DNAAF10: variants seen among roughly 807,000 people sequenced by gnomAD.
DNAAF10 encodes dynein axonemal assembly factor 10, also known as WD repeat domain 92.
In DNAAF10, 28 loss-of-function variants were observed where a neutral mutation model predicts 43.7. That is an observed-to-expected ratio of 0.64 (90% confidence interval 0.48 to 0.88). The LOEUF (loss-of-function observed/expected upper bound fraction) is 0.88. DNAAF10 is among the 40% of genes least tolerant of loss of function. The probability of loss-of-function intolerance (pLI) is 0.00; values close to 1 mark genes in which losing one functional copy is unlikely to be tolerated. For synonymous variants in DNAAF10, 156 were observed against 157.3 expected (o/e 0.99, Z 0.06); for missense variants, 403 against 439.1 (o/e 0.92, Z 0.73).
chr2:68,151,893 C>A (rs1265650089), intron 1 of DNAAF10, among the ~76,000 whole-genome samples: 7 of 152,216 alleles, frequency 4.6e-5, no homozygotes, highest in African/African-American at 1.7e-4. Context: ...CAGAACACCA[C>A]TTTCAAGATG....
In DNAAF10 at chr2:68,131,428, C is replaced by G; in HGVS notation, c.884G>C (p.Arg295Pro). Residue 295 changes from arginine to proline, a missense_variant, in exon 8 of 8, where the codon CGG becomes CCG. Coordinates refer to ENST00000295121, the MANE Select transcript of DNAAF10 (RefSeq NM_138458.4). ...HLWKYEYPIQ[R>P]SKKDSEGIEM... ...TATTCCCTCAGAATCTTTCTTTGAC[C>G]GCTGAATAGGGTATTCACTGAAAAC... 1 of 1,614,084 alleles carries G rather than the reference C, an allele frequency of 6.2e-7. No homozygotes were observed. Among genetic ancestry groups the G allele is most frequent in the Non-Finnish European group, 8.5e-7 (1 of 1,179,988 alleles).
intron 5 of DNAAF10, among the ~76,000 whole-genome samples, chr2:68,138,509 G>A (rs920196060): frequency 3.9e-5 from 6 of 152,172 alleles, no homozygotes; most frequent in African/African-American, 1.2e-4. Flanking sequence ...GGCTGAAGGG[G>A]CTGGTGACTC....
At chr2:68,149,140 AT>A (rs1673394361) in intron 1 of DNAAF10, among the ~76,000 whole-genome samples, 4 of 152,238 alleles carry the variant, frequency 2.6e-5, no homozygotes, top group African/African-American at 9.6e-5. Flanking sequence ...TATAGGGTAT[AT>A]TATCCATATA....
chr2:68,145,742 G>A (rs1486949222), intron 2 of DNAAF10, among the ~76,000 whole-genome samples: 2 of 152,146 alleles, frequency 1.3e-5, no homozygotes, highest in Non-Finnish European at 2.9e-5. Context: ...TACCACAACT[G>A]CACTACTGGG....
At chr2:68,150,487 C>G (rs890324672) in intron 1 of DNAAF10, among the ~76,000 whole-genome samples, 1 of 152,154 alleles carries the variant, frequency 6.6e-6, no homozygotes, top group Non-Finnish European at 1.5e-5. Flanking sequence ...AATATCAGCA[C>G]TTTGGGAGGC....
intron 5 of DNAAF10, 40 bp from the exon 6 acceptor site, chr2:68,137,473 T>G (rs775573950): frequency 5.1e-6 from 8 of 1,573,296 alleles, no homozygotes; most frequent in Admixed American, 3.7e-5. Flanking sequence ...GTCTCACCAG[T>G]ATTACTCAGG....
rs756931578 is a variant in DNAAF10 at position 68,157,315 on chromosome 2, G to T, written c.129C>A (p.Thr43=). 6.2e-7 allele frequency: 1 copy of T among 1,614,128 alleles called. No individual in the cohort carries two copies. The highest frequency in any genetic ancestry group is 1.7e-5 in the Admixed American group (1 of 60,020). The change falls in exon 1 of 8, where the codon ACC becomes ACA. Residue 43 remains threonine, a synonymous_variant. Transcript: ENST00000295121. ...FVTMGNFARG[T]GVIQLYEIQH... is the part of the protein sequence containing the mutation. ...GGATCTCGTACAGCTGAATGACGCC[G>T]GTGCCCCGTGCGAAGTTGCCCATGG...
At chr2:68,136,054 A>G (rs923454287) in intron 6 of DNAAF10, among the ~76,000 whole-genome samples, 4 of 151,470 alleles carry the variant, frequency 2.6e-5, no homozygotes, top group African/African-American at 9.7e-5. Flanking sequence ...ACTCTATGAA[A>G]AAAAAAAAAT....
chr2:68,149,503 T>C (rs900695771), intron 1 of DNAAF10, among the ~76,000 whole-genome samples: 2 of 152,234 alleles, frequency 1.3e-5, no homozygotes, highest in Non-Finnish European at 2.9e-5. Context: ...AGAAAATTAA[T>C]ATTCATTTAT....
intron 1 of DNAAF10, chr2:68,156,983 T>C (rs1366617792): frequency 5.9e-6 from 3 of 512,246 alleles, no homozygotes; most frequent in African/African-American, 3.8e-5. Flanking sequence ...ATGTGTTAGG[T>C]TGCCTCTTCC....
At chr2:68,157,119 T>C in intron 1 of DNAAF10, 142 bp downstream of exon 1, 1 of 1,138,286 alleles carries the variant, frequency 8.8e-7, no homozygotes, top group Non-Finnish European at 1.2e-6. Flanking sequence ...CATTCCTCAG[T>C]CGGCGGTCAG....
chr2:68,146,427 A>T (rs1673317689), intron 2 of DNAAF10, among the ~76,000 whole-genome samples: 1 of 152,200 alleles, frequency 6.6e-6, no homozygotes, highest in Non-Finnish European at 1.5e-5. Flanking sequence ...AAATTATAAG[A>T]TTTATCAATG....
chr2:68,154,106 T>C (rs1673526863), intron 1 of DNAAF10, among the ~76,000 whole-genome samples: 1 of 152,086 alleles, frequency 6.6e-6, no homozygotes, highest in Non-Finnish European at 1.5e-5. Context: ...TTTTGGACAG[T>C]AGGCTCTTTA....
At chr2:68,152,126 T>G (rs1673473169) in intron 1 of DNAAF10, among the ~76,000 whole-genome samples, 1 of 152,240 alleles carries the variant, frequency 6.6e-6, no homozygotes, top group Admixed American at 6.5e-5. Flanking sequence ...ACGGCATGAA[T>G]TAAACCTACT....
intron 1 of DNAAF10, among the ~76,000 whole-genome samples, chr2:68,151,464 C>T (rs111938588): frequency 6.6e-6 from 1 of 152,186 alleles, no homozygotes; most frequent in Non-Finnish European, 1.5e-5. Context: ...ATTACTGTCA[C>T]TCACCCTGTT....
chr2:68,147,553 T>C lies in DNAAF10; in HGVS notation c.198A>G (p.Lys66=). The part of the protein sequence containing the change: ...LKLLREIEKA[K]PIKCGTFGAT... The stretch of plus-strand genomic sequence containing the variant: ...CACCAAATGTTCCACATTTAATAGG[T>C]TTGGCCTTTTCAATCTTCATAGAAG... The change falls in exon 2 of 8, where the codon AAA becomes AAG. Residue 66 remains lysine, a synonymous_variant. Transcript: ENST00000295121. The C allele has an allele frequency of 1.9e-6, 3 of 1,610,028 alleles. No homozygotes were observed. The highest frequency in any genetic ancestry group is 1.7e-5 in the Admixed American group (1 of 59,268).
In DNAAF10 at chr2:68,138,801, T is replaced by C. The variant is rs138916420; in HGVS notation, c.574A>G (p.Ile192Val). ...VVCAGYDNGD[I>V]KLFDLRNMAL... ...ATATTTCTGAGATCAAATAGTTTGA[T>C]ATCCCCATTGTCATAGCCAGCACAA... The change falls in exon 5 of 8, where the codon ATC becomes GTC. Residue 192 changes from isoleucine (I) to valine (V), a missense_variant. By Grantham distance (29) the Ile-to-Val change is conservative. Transcript: ENST00000295121. 1.9e-5 allele frequency: 31 copies of C among 1,614,212 alleles called. No homozygotes were observed. The African/African-American group carries it at 2.8e-4, about 15-fold the overall frequency.
chr2:68,150,472 C>T (rs1484172072), intron 1 of DNAAF10, among the ~76,000 whole-genome samples: 4 of 152,198 alleles, frequency 2.6e-5, no homozygotes, highest in Non-Finnish European at 5.9e-5. Flanking sequence ...GTGGCTCACG[C>T]CTATAATATC....
At chr2:68,140,666 C>T (rs367818345) in intron 4 of DNAAF10, among the ~76,000 whole-genome samples, 4 of 152,134 alleles carry the variant, frequency 2.6e-5, no homozygotes, top group African/African-American at 9.7e-5. Flanking sequence ...CTCTTCCTTG[C>T]AAACACCATC....
Sources: gnomAD v4.1 joint callset for allele counts (sites outside exome capture counted in the v4.1 genomes callset) on GRCh38, gnomAD v4.1.1 for gene constraint, MANE v1.5 for transcripts, NCBI Gene and HGNC (gene_info 2026-07-23, HGNC 2026-07-21) for gene names.